Variants in MEDAG observed in about 807,000 individuals in gnomAD.
MEDAG encodes the protein mesenteric estrogen-dependent adipogenesis protein.
A neutral mutation model predicts 29.9 loss-of-function variants in MEDAG; 25 were observed. The observed-to-expected ratio is 0.84, with a 90% CI of 0.61 to 1.17. MEDAG has a LOEUF of 1.17. Among genes scored for constraint, MEDAG ranks in the 50% most tolerant of loss-of-function variants. MEDAG has a pLI of 0.00. For missense variants in MEDAG, 398 were observed against 372.9 expected (o/e 1.07, Z -0.56); for synonymous variants, 158 against 148.2 (o/e 1.07, Z -0.48).
chr13:30,923,595 G>A (rs996748004), intron 4 of MEDAG, among the ~76,000 whole-genome samples: 19 of 152,170 alleles, frequency 1.2e-4, no homozygotes, highest in Non-Finnish European at 2.8e-4. Context: ...ATTATACTCT[G>A]ATCCTTTTGG....
intron 4 of MEDAG, chr13:30,922,056 A>G: frequency 2.0e-6 from 1 of 505,462 alleles, no homozygotes; most frequent in South Asian, 3.0e-5. Context: ...GTCTTCTGAC[A>G]TGAGGATTAC....
chr13:30,919,588 T>C (rs535442998), intron 2 of MEDAG, among the ~76,000 whole-genome samples: 62 of 152,286 alleles, frequency 4.1e-4, no homozygotes, highest in African/African-American at 1.4e-3. Context: ...ATATCTAAAG[T>C]GCCCAAAAAA....
At chr13:30,914,096 T>C (rs953479777) in intron 1 of MEDAG, among the ~76,000 whole-genome samples, 2 of 152,160 alleles carry the variant, frequency 1.3e-5, no homozygotes, top group Admixed American at 6.5e-5. Context: ...TAGTCCCTAA[T>C]ATAATCTAGT....
Position 30,917,423 on chromosome 13 carries a change from A to G in MEDAG, c.299A>G (p.Tyr100Cys), listed in dbSNP as rs1266840140. The change falls in exon 2 of 5, where the codon TAC becomes TGC. Residue 100 changes from tyrosine to cysteine, a missense_variant. Transcript: ENST00000380482. ...CATAGGTATGTGGAACTGACCAACT[A>G]CTGTGATTATAAAGACTACAGGGAA... ...YIKRYVELTN[Y>C]CDYKDYRETI... 6.9e-6 allele frequency: 11 copies of G among 1,603,022 alleles called. No individual in the cohort carries two copies. Among genetic ancestry groups the G allele is most frequent in the Admixed American group, 1.7e-5 (1 of 59,934 alleles).
Position 30,906,755 on chromosome 13 carries a change from C to G in MEDAG, c.240C>G (p.Leu80=). 6.6e-7 allele frequency: 1 copy of G among 1,509,250 alleles called. No individual in the cohort carries two copies. Among genetic ancestry groups the G allele is most frequent in the Non-Finnish European group, 8.8e-7 (1 of 1,138,440 alleles). 93.5% of individuals were successfully genotyped at this position (1,509,250 alleles called of 1,614,324 possible). A position where few individuals can be genotyped will look rare whatever the true frequency, so the allele number is the denominator to read the frequency against. ...FNVFGDGLVR[L]DGQLYRLSSY... Reference sequence around the variant, plus strand: ...TCTTCGGTGACGGCCTCGTGCGCCTCGACGGGCAGCTCTACCGCCTCAGCA... The same window carrying G: ...TCTTCGGTGACGGCCTCGTGCGCCTGGACGGGCAGCTCTACCGCCTCAGCA... The change falls in exon 1 of 5, where the codon CTC becomes CTG. Residue 80 remains leucine, a synonymous_variant. Coordinates refer to ENST00000380482, the MANE Select transcript of MEDAG (RefSeq NM_032849.4).
intron 2 of MEDAG, among the ~76,000 whole-genome samples, chr13:30,918,235 T>G (rs1593509048): frequency 6.6e-6 from 1 of 152,160 alleles, no homozygotes; most frequent in East Asian, 1.9e-4. Context: ...GTCTAAGAAG[T>G]GCTCTAATGT....
In MEDAG at chr13:30,906,413, G is replaced by T; in HGVS notation, c.-103G>T. On this transcript the variant is annotated 5_prime_UTR_variant, in exon 1 of 5. Coordinates refer to ENST00000380482, the MANE Select transcript of MEDAG (RefSeq NM_032849.4). ...CCCCCTCCTCACCTCGCGCGCGGCT[G>T]ACGCAGGCAGGGCGCCCGGCCCCTC... 1 of 1,262,546 alleles carries T rather than the reference G, an allele frequency of 7.9e-7. No homozygotes were observed. 78.2% of individuals were successfully genotyped at this position (1,262,546 alleles called of 1,614,324 possible).
At chr13:30,921,502 A>G in intron 3 of MEDAG, 59 bp from the exon 4 acceptor site, 1 of 1,482,138 alleles carries the variant, frequency 6.7e-7, no homozygotes, top group Non-Finnish European at 9.1e-7. Flanking sequence ...TGTTAGTTCT[A>G]CAATGTCAAC....
rs765714090 is a variant in MEDAG, at chr13:30,924,299, A to G, written c.788-12A>G. Reference sequence around the variant, plus strand: ...GATGGTAATAATGCATGCTTTGTTTACTGTTTTTTAGGTTCAATAGATGAT... The same window carrying G: ...GATGGTAATAATGCATGCTTTGTTTGCTGTTTTTTAGGTTCAATAGATGAT... On this transcript the variant is annotated splice_polypyrimidine_tract_variant and intron_variant, in intron 4 of 4. Coordinates refer to ENST00000380482, the MANE Select transcript of MEDAG (RefSeq NM_032849.4). 16 of 1,605,720 alleles carry G rather than the reference A, an allele frequency of 1.0e-5. No homozygotes were observed. In the African/African-American group the frequency reaches 2.1e-4, roughly 22 times the overall value.
At position 30,906,416 on chromosome 13, in the gene MEDAG, G is replaced by T. The variant is rs1172049148; in HGVS notation, c.-100G>T. 4 of 1,268,728 alleles carry T rather than the reference G, an allele frequency of 3.2e-6. No homozygotes were observed. The South Asian group carries it at 6.6e-5, about 21-fold the overall frequency. The allele number at this position is 1,268,728 out of a possible 1,614,324, so 78.6% of individuals were successfully genotyped here. On this transcript the variant is annotated 5_prime_UTR_variant, in exon 1 of 5. Transcript: ENST00000380482. The stretch of plus-strand genomic sequence containing the variant: ...CCTCCTCACCTCGCGCGCGGCTGAC[G>T]CAGGCAGGGCGCCCGGCCCCTCCTG...
chr13:30,921,127 G>A lies in MEDAG; in HGVS notation c.501+1G>A, dbSNP rs1593510977. 1.2e-6 allele frequency: 2 copies of A among 1,611,460 alleles called. No individual in the cohort carries two copies. Among genetic ancestry groups the A allele is most frequent in the Non-Finnish European group, 1.7e-6 (2 of 1,178,274 alleles). On this transcript the variant is annotated splice_donor_variant, in intron 3 of 4. Coordinates refer to ENST00000380482, the MANE Select transcript of MEDAG (RefSeq NM_032849.4). LOFTEE classifies it high-confidence loss of function. ...GATTGGAGAAAGTTACCGGCTTCAG[G>A]TAAGCCTAGCCTGTCTGAATCCAGG...
At position 30,906,721 on chromosome 13, in the gene MEDAG, G is replaced by A. The variant is rs964600358; in HGVS notation, c.206G>A (p.Gly69Asp). The change falls in exon 1 of 5, where the codon GGC becomes GAC. Residue 69 changes from glycine to aspartate, a missense_variant. Gly to Asp is a moderately conservative substitution (Grantham distance 94). Transcript: ENST00000380482. The stretch of plus-strand genomic sequence containing the variant: ...GGGGAGCCGGCGGCGGCGCGGGGGG[G>A]CTTCAACGTCTTCGGTGACGGCCTC... ...RPGEPAAARG[G>D]FNVFGDGLVR... The A allele has an allele frequency of 2.0e-6, 3 of 1,517,832 alleles. No individual in the cohort carries two copies. The East Asian group carries it at 7.5e-5, about 38-fold the overall frequency. The allele number at this position is 1,517,832 out of a possible 1,614,324, so 94.0% of individuals were successfully genotyped here.
intron 1 of MEDAG, among the ~76,000 whole-genome samples, chr13:30,908,025 A>C (rs1409659791): frequency 2.0e-5 from 3 of 152,212 alleles, no homozygotes; most frequent in African/African-American, 7.2e-5. Flanking sequence ...GTGCAGATTT[A>C]AAAAGAAGAT....
At chr13:30,913,450 C>T (rs970194970) in intron 1 of MEDAG, among the ~76,000 whole-genome samples, 1 of 152,136 alleles carries the variant, frequency 6.6e-6, no homozygotes, top group Admixed American at 6.5e-5. Context: ...CCAGGCTGGT[C>T]TACAACTCCT....
At chr13:30,909,415 C>A (rs1326774259) in intron 1 of MEDAG, among the ~76,000 whole-genome samples, 2 of 152,118 alleles carry the variant, frequency 1.3e-5, no homozygotes, top group African/African-American at 2.4e-5. Context: ...ACTCCAGTGA[C>A]TTTTCGTCTT....
chr13:30,908,301 A>G (rs568277980), intron 1 of MEDAG, among the ~76,000 whole-genome samples: 35 of 152,350 alleles, frequency 2.3e-4, no homozygotes, highest in African/African-American at 7.9e-4. Flanking sequence ...CCAGGGTGCA[A>G]ATACAAAACA....
rs536023935 is a variant in MEDAG, at chr13:30,924,127, C to A, written c.788-184C>A. ...CTCCAGCCCGCAAAAAAGCAAGAGA[C>A]AATCTTGTCCCACTAATAAAGAAAA... On this transcript the variant is annotated intron_variant, in intron 4 of 4. Coordinates refer to ENST00000380482, the MANE Select transcript of MEDAG (RefSeq NM_032849.4). Among the ~76,000 whole-genome samples, 18 of 152,284 alleles carry A rather than the reference C, an allele frequency of 1.2e-4. No individual in the cohort carries two copies. The South Asian group carries it at 3.1e-3, about 26-fold the overall frequency.
intron 1 of MEDAG, among the ~76,000 whole-genome samples, chr13:30,907,939 C>T (rs758139226): frequency 6.6e-6 from 1 of 152,232 alleles, no homozygotes; most frequent in East Asian, 1.9e-4. Context: ...GCAAGAATTT[C>T]TCCCTTTCTT....
intron 2 of MEDAG, among the ~76,000 whole-genome samples, chr13:30,918,997 G>T (rs1338291951): frequency 6.6e-6 from 1 of 152,140 alleles, no homozygotes; most frequent in East Asian, 1.9e-4. Context: ...AAGAGTAAGA[G>T]CCCTCTTCAT....
Sources: gnomAD v4.1 joint callset for allele counts (sites outside exome capture counted in the v4.1 genomes callset) on GRCh38, gnomAD v4.1.1 for gene constraint, MANE v1.5 for transcripts, NCBI Gene and HGNC (gene_info 2026-07-23, HGNC 2026-07-21) for gene names.